PRIM2: variants seen among roughly 807,000 people sequenced by gnomAD.
The protein encoded by PRIM2 is DNA primase subunit 2.
PRIM2 carries 39 observed loss-of-function variants against 67.3 expected under a neutral mutation model. That is an observed-to-expected ratio of 0.58 (90% CI 0.45 to 0.76). The LOEUF (loss-of-function observed/expected upper bound fraction) is 0.76, where lower values mean the gene tolerates loss of function less well. PRIM2 is among the 30% of genes least tolerant of loss of function. The probability of loss-of-function intolerance (pLI) is 0.00; values close to 1 mark genes in which losing one functional copy is unlikely to be tolerated. For synonymous variants in PRIM2, 143 were observed against 198.7 expected (o/e 0.72, Z 2.36); for missense variants, 398 against 598.7 (o/e 0.66, Z 3.50).
chr6:57,281,405 C>G, the PRIM2 span, among the ~76,000 whole-genome samples: 1 of 152,138 alleles, frequency 6.6e-6, no homozygotes, highest in African/African-American at 2.4e-5. Flanking sequence ...TACTAGTTTA[C>G]ATTCCCACCA....
intron 10 of PRIM2, among the ~76,000 whole-genome samples, chr6:57,598,065 GA>G (rs1776399693): frequency 6.6e-6 from 1 of 152,098 alleles, no homozygotes; most frequent in Non-Finnish European, 1.5e-5. Flanking sequence ...CTAGTTATTA[GA>G]GTGAGAACCT....
At chr6:57,293,763 A>G in the PRIM2 span, among the ~76,000 whole-genome samples, 1 of 150,510 alleles carries the variant, frequency 6.6e-6, no homozygotes, top group Non-Finnish European at 1.5e-5. Context: ...GCATGTTCCC[A>G]GTCATAGGTG....
chr6:57,331,098 G>T (rs1472151415), intron 5 of PRIM2, among the ~76,000 whole-genome samples: 1 of 151,230 alleles, frequency 6.6e-6, no homozygotes, highest in East Asian at 1.9e-4. Flanking sequence ...TGAGGCAGTA[G>T]AATTGTTTGA....
the PRIM2 span, among the ~76,000 whole-genome samples, chr6:57,224,562 C>A: frequency 2.6e-5 from 4 of 151,528 alleles, no homozygotes; most frequent in African/African-American, 4.9e-5. Flanking sequence ...TGCTCTTGAA[C>A]TTTATACTTA....
the PRIM2 span, among the ~76,000 whole-genome samples, chr6:57,293,482 C>G: frequency 6.6e-6 from 1 of 152,192 alleles, no homozygotes; most frequent in South Asian, 2.1e-4. Flanking sequence ...CATCCCATTA[C>G]TGGGTATATA....
At chr6:57,627,002 C>G in intron 12 of PRIM2, among the ~76,000 whole-genome samples, 1 of 151,584 alleles carries the variant, frequency 6.6e-6, no homozygotes, top group East Asian at 2.0e-4. Flanking sequence ...AAAGAGAGGC[C>G]AGGCATGGTG....
chr6:57,470,497 G>A (rs1272846380), intron 7 of PRIM2, among the ~76,000 whole-genome samples: 1 of 115,606 alleles, frequency 8.7e-6, no homozygotes, highest in Non-Finnish European at 1.8e-5. Flanking sequence ...GTAATCTTTA[G>A]GCAGTCGTAG....
intron 10 of PRIM2, among the ~76,000 whole-genome samples, chr6:57,558,812 A>G (rs1462196228): frequency 6.6e-6 from 1 of 152,074 alleles, no homozygotes; most frequent in Non-Finnish European, 1.5e-5. Context: ...CAAGATGCTA[A>G]CTTTTAGGTA....
chr6:57,368,746 A>T (rs1187483066), intron 5 of PRIM2, among the ~76,000 whole-genome samples: 3 of 152,248 alleles, frequency 2.0e-5, no homozygotes, highest in Non-Finnish European at 4.4e-5. Context: ...AAAAAACTTC[A>T]TTGATGACAA....
the PRIM2 span, among the ~76,000 whole-genome samples, chr6:57,286,411 T>C: frequency 5.3e-5 from 8 of 152,050 alleles, no homozygotes; most frequent in Admixed American, 1.3e-4. Context: ...AAAACAGATA[T>C]ATAGACAAAT....
chr6:57,287,725 T>C, the PRIM2 span, among the ~76,000 whole-genome samples: 5 of 151,348 alleles, frequency 3.3e-5, no homozygotes, highest in Non-Finnish European at 7.4e-5. Flanking sequence ...TGTATACCTG[T>C]GTAACAAAGC....
At chr6:57,290,125 A>AAG in the PRIM2 span, among the ~76,000 whole-genome samples, 2 of 138,322 alleles carry the variant, frequency 1.4e-5, no homozygotes. Context: ...AGCAAATAGA[A>AAG]AGAAAAAAAA....
intron 10 of PRIM2, among the ~76,000 whole-genome samples, chr6:57,548,795 C>T (rs1482554195): frequency 6.6e-6 from 1 of 152,058 alleles, no homozygotes; most frequent in African/African-American, 2.4e-5. Flanking sequence ...GAGCTCACAT[C>T]CACTGCTCAT....
At chr6:57,564,753 G>A (rs1478492415) in intron 10 of PRIM2, among the ~76,000 whole-genome samples, 1 of 152,054 alleles carries the variant, frequency 6.6e-6, no homozygotes, top group Non-Finnish European at 1.5e-5. Context: ...AATGTTTTGA[G>A]GCTAAATTTT....
chr6:57,588,187 T>TA lies in PRIM2; in HGVS notation c.1021-12905dup, dbSNP rs1382605123. On this transcript the variant is annotated intron_variant, in intron 10 of 13. Transcript: ENST00000615550. The stretch of plus-strand genomic sequence containing the variant: ...AGAAGCAGTCCAGCAGGAATTTTTG[T>TA]ACCTCCATTCATGGGAAGATACTTT... Among the ~76,000 whole-genome samples, 212 of 152,228 alleles carry TA rather than the reference T, an allele frequency of 1.4e-3. 5 individuals are homozygous for TA. In the East Asian group the frequency reaches 0.019, roughly 14 times the overall value.
chr6:57,558,660 A>AAT (rs1193210791), intron 10 of PRIM2, among the ~76,000 whole-genome samples: 57,840 of 150,764 alleles, frequency 0.38, 11,218 homozygotes, highest in East Asian at 0.61. Flanking sequence ...TATCTTTCTT[A>AAT]ATATATATAT....
At chr6:57,283,004 C>T in the PRIM2 span, among the ~76,000 whole-genome samples, 1 of 152,034 alleles carries the variant, frequency 6.6e-6, no homozygotes, top group East Asian at 1.9e-4. Context: ...TCTCACTCTT[C>T]TCATCATTAA....
chr6:57,597,843 T>C (rs1776392345), intron 10 of PRIM2, among the ~76,000 whole-genome samples: 1 of 152,212 alleles, frequency 6.6e-6, no homozygotes, highest in Non-Finnish European at 1.5e-5. Context: ...CCTGCCCACC[T>C]TTTGTATTTA....
chr6:57,238,918 C>T, the PRIM2 span, among the ~76,000 whole-genome samples: 26 of 152,154 alleles, frequency 1.7e-4, no homozygotes, highest in African/African-American at 6.3e-4. Flanking sequence ...TATGACCTTG[C>T]CTTTGTCGTG....
Sources: allele counts gnomAD v4.1 joint callset (sites outside exome capture counted in the v4.1 genomes callset), GRCh38; gene constraint gnomAD v4.1.1; transcripts MANE v1.5; gene names NCBI Gene and HGNC (gene_info 2026-07-23, HGNC 2026-07-21).